Variants in HCN1 observed in about 807,000 individuals in gnomAD.
HCN1 encodes hyperpolarization activated cyclic nucleotide gated potassium channel 1, also known as potassium/sodium hyperpolarization-activated cyclic nucleotide-gated channel 1.
A neutral mutation model predicts 78.9 loss-of-function variants in HCN1; 13 were observed. That is an observed-to-expected ratio of 0.16 (90% confidence interval 0.11 to 0.26). HCN1 has a LOEUF of 0.26. Ranked by LOEUF, HCN1 falls within the 10% of genes least tolerant of loss-of-function variation. HCN1 has a pLI of 1.00. For synonymous variants in HCN1, 552 were observed against 455.5 expected (o/e 1.21, Z -2.70); for missense variants, 810 against 1,154.3 (o/e 0.70, Z 4.32).
At chr5:45,452,731 T>C (rs1307938964) in intron 3 of HCN1, among the ~76,000 whole-genome samples, 1 of 151,988 alleles carries the variant, frequency 6.6e-6, no homozygotes, top group Non-Finnish European at 1.5e-5. Flanking sequence ...TGATACATTA[T>C]AAGAATATAT....
At chr5:45,272,214 G>A (rs1334917918) in intron 6 of HCN1, among the ~76,000 whole-genome samples, 1 of 151,980 alleles carries the variant, frequency 6.6e-6, no homozygotes, top group African/African-American at 2.4e-5. Context: ...TTTGTTAGGT[G>A]TTACAGAGTT....
chr5:45,609,163 C>T (rs750690294), intron 2 of HCN1, among the ~76,000 whole-genome samples: 1 of 152,006 alleles, frequency 6.6e-6, no homozygotes, highest in Non-Finnish European at 1.5e-5. Flanking sequence ...AGCAATTTGG[C>T]ATCATTTTGT....
intron 6 of HCN1, among the ~76,000 whole-genome samples, chr5:45,294,248 T>C (rs983988156): frequency 2.0e-5 from 3 of 152,128 alleles, no homozygotes; most frequent in African/African-American, 4.8e-5. Context: ...CGAATCGGTG[T>C]CTCTAAATTT....
chr5:45,273,487 C>T (rs190995513), intron 6 of HCN1, among the ~76,000 whole-genome samples: 1 of 152,094 alleles, frequency 6.6e-6, no homozygotes, highest in Non-Finnish European at 1.5e-5. Flanking sequence ...TGGCTTCAAA[C>T]GTTTTGCAAC....
intron 2 of HCN1, among the ~76,000 whole-genome samples, chr5:45,565,833 A>C (rs528678444): frequency 7.9e-5 from 12 of 152,204 alleles, no homozygotes; most frequent in African/African-American, 2.9e-4. Context: ...AATAATAATA[A>C]TTAAGTATTC....
intron 2 of HCN1, among the ~76,000 whole-genome samples, chr5:45,639,703 C>T (rs890267181): frequency 6.6e-6 from 1 of 152,050 alleles, no homozygotes; most frequent in Admixed American, 6.6e-5. Context: ...AAAGATAAAC[C>T]TTTTTTTAGC....
At chr5:45,603,502 G>T (rs562746591) in intron 2 of HCN1, among the ~76,000 whole-genome samples, 2 of 152,152 alleles carry the variant, frequency 1.3e-5, no homozygotes, top group East Asian at 3.9e-4. Flanking sequence ...GGCATATCTT[G>T]CAGGGAGCTT....
intron 2 of HCN1, among the ~76,000 whole-genome samples, chr5:45,560,376 T>G (rs1743571880): frequency 6.6e-6 from 1 of 152,036 alleles, no homozygotes; most frequent in Non-Finnish European, 1.5e-5. Flanking sequence ...ACTTCCATTT[T>G]AACATCATTT....
chr5:45,303,536 A>C (rs1579793721), intron 6 of HCN1, 63 bp downstream of exon 6: 13 of 1,578,812 alleles, frequency 8.2e-6, no homozygotes, highest in Non-Finnish European at 1.1e-5. Context: ...CATCTCCAAA[A>C]TTCTTAAAGA....
At chr5:45,281,028 AT>A (rs1394778097) in intron 6 of HCN1, among the ~76,000 whole-genome samples, 2 of 151,780 alleles carry the variant, frequency 1.3e-5, no homozygotes, top group Non-Finnish European at 2.9e-5. Flanking sequence ...AAAAAAAAAA[AT>A]ACAGAAAAAT....
rs750020545 is a variant in HCN1 at position 45,645,287 on chromosome 5, C to T, written c.747G>A (p.Lys249=). ...TCACAATGCGAAGTGCCCTGGCTGT[C>T]TTGTAAACTTCAGAATCCATTCCTT... is the stretch of plus-strand genomic sequence containing the variant. ...VEKGMDSEVY[K]TARALRIVRF... is the part of the protein sequence containing the mutation. Residue 249 remains lysine, a synonymous_variant, in exon 2 of 8, where the codon AAG becomes AAA. Transcript: ENST00000303230. 4.3e-6 allele frequency: 7 copies of T among 1,613,522 alleles called. No homozygotes were observed. The South Asian group carries it at 7.7e-5, about 18-fold the overall frequency.
At chr5:45,645,014 T>C (rs1745522028) in intron 2 of HCN1, 171 bp downstream of exon 2, 1 of 563,488 alleles carries the variant, frequency 1.8e-6, no homozygotes, top group Non-Finnish European at 3.1e-6. Context: ...TATTTGATCA[T>C]ATATTTTAGG....
Position 45,462,007 on chromosome 5 carries a change from T to C in HCN1, c.850A>G (p.Ile284Val). 1.2e-6 allele frequency: 2 copies of C among 1,612,054 alleles called. No individual in the cohort carries two copies. Among genetic ancestry groups the C allele is most frequent in the Non-Finnish European group, 1.7e-6 (2 of 1,178,650 alleles). ...GCGAGATCATATGTCATGTGGAATA[T>C]CTGTTGACCAAAATATAAAATCAAT... ...LIRYIHQWEEIFHMTYDLASA... is the reference protein window; with the variant it reads ...LIRYIHQWEEVFHMTYDLASA... The change falls in exon 3 of 8, where the codon ATA becomes GTA. Residue 284 changes from isoleucine (I) to valine (V), a missense_variant and splice_region_variant. Coordinates refer to ENST00000303230, the MANE Select transcript of HCN1 (RefSeq NM_021072.4).
At chr5:45,518,724 G>A (rs1428542754) in intron 2 of HCN1, among the ~76,000 whole-genome samples, 2 of 151,890 alleles carry the variant, frequency 1.3e-5, no homozygotes, top group African/African-American at 4.8e-5. Flanking sequence ...GAAAACAACA[G>A]AAAGAATACA....
chr5:45,544,778 C>G (rs1743176780), intron 2 of HCN1, among the ~76,000 whole-genome samples: 1 of 152,092 alleles, frequency 6.6e-6, no homozygotes, highest in Non-Finnish European at 1.5e-5. Context: ...AGGACATGAA[C>G]TCATCCTTTT....
chr5:45,322,714 T>C (rs1746148262), intron 5 of HCN1, among the ~76,000 whole-genome samples: 2 of 151,864 alleles, frequency 1.3e-5, no homozygotes, highest in African/African-American at 2.4e-5. Flanking sequence ...ACTTGTGGCA[T>C]CCTGTCAGTG....
intron 5 of HCN1, among the ~76,000 whole-genome samples, chr5:45,324,819 C>A (rs370606536): frequency 6.6e-6 from 1 of 151,292 alleles, no homozygotes; most frequent in Non-Finnish European, 1.5e-5. Context: ...GCTGACTACA[C>A]GAAATTTGTG....
At chr5:45,387,472 T>A (rs1181248184) in intron 4 of HCN1, among the ~76,000 whole-genome samples, 1 of 152,130 alleles carries the variant, frequency 6.6e-6, no homozygotes, top group Non-Finnish European at 1.5e-5. Flanking sequence ...TGAATTTTTT[T>A]TAATAACAGT....
At chr5:45,445,719 T>A (rs903694213) in intron 3 of HCN1, among the ~76,000 whole-genome samples, 2 of 152,134 alleles carry the variant, frequency 1.3e-5, no homozygotes, top group Non-Finnish European at 2.9e-5. Flanking sequence ...ACAGCAGCAT[T>A]CACGGTTCAT....
Sources: gnomAD v4.1 joint callset for allele counts (sites outside exome capture counted in the v4.1 genomes callset) on GRCh38, gnomAD v4.1.1 for gene constraint, MANE v1.5 for transcripts, NCBI Gene and HGNC (gene_info 2026-07-23, HGNC 2026-07-21) for gene names.